GHR: variants seen among roughly 807,000 people sequenced by gnomAD.
The protein encoded by GHR is GH receptor.
Under a neutral mutation model 67.1 loss-of-function variants are expected in GHR, and 35 were observed. The ratio of observed to expected loss-of-function variants is 0.52; its 90% confidence interval spans 0.40 to 0.69. The LOEUF is 0.69. GHR is among the 30% of genes least tolerant of loss of function. GHR has a pLI of 0.00. For missense variants in GHR, 792 were observed against 764.6 expected (o/e 1.04, Z -0.42); for synonymous variants, 272 against 269.1 (o/e 1.01, Z -0.10).
intron 1 of GHR, chr5:42,515,096 T>C (rs1204835400): frequency 6.6e-6 from 1 of 152,202 alleles, no homozygotes; most frequent in Non-Finnish European, 1.5e-5. Flanking sequence ...TTAGTGTATG[T>C]TTGCTAAATA....
At chr5:42,650,304 C>T (rs566555460) in intron 3 of GHR, among the ~76,000 whole-genome samples, 1 of 152,124 alleles carries the variant, frequency 6.6e-6, no homozygotes, top group African/African-American at 2.4e-5. Context: ...CAGTCATCTG[C>T]AGTTGCCTGA....
intron 7 of GHR, among the ~76,000 whole-genome samples, chr5:42,712,334 C>A (rs1758502437): frequency 6.6e-6 from 1 of 152,078 alleles, no homozygotes; most frequent in African/African-American, 2.4e-5. Context: ...CTTAAAAGTA[C>A]AATAGCTATA....
intron 3 of GHR, among the ~76,000 whole-genome samples, chr5:42,673,949 G>A (rs34899335): frequency 6.6e-6 from 1 of 152,078 alleles, no homozygotes; most frequent in African/African-American, 2.4e-5. Context: ...TTTTTAAAAG[G>A]ATAGAAACTA....
intron 2 of GHR, among the ~76,000 whole-genome samples, chr5:42,568,780 T>G (rs1171142405): frequency 1.3e-5 from 2 of 152,162 alleles, no homozygotes; most frequent in African/African-American, 4.8e-5. Flanking sequence ...AGAGAAATGG[T>G]CAAGATGCCC....
At chr5:42,577,556 C>G (rs1750822039) in intron 2 of GHR, among the ~76,000 whole-genome samples, 1 of 152,168 alleles carries the variant, frequency 6.6e-6, no homozygotes. Context: ...ACCATTTTCT[C>G]AAAGGAAAAT....
intron 5 of GHR, among the ~76,000 whole-genome samples, chr5:42,696,282 A>T (rs1757668069): frequency 6.6e-6 from 1 of 152,218 alleles, no homozygotes; most frequent in Non-Finnish European, 1.5e-5. Context: ...AGGCATGTTC[A>T]CAAATAATTG....
At chr5:42,512,662 G>T (rs1284660125) in intron 1 of GHR, among the ~76,000 whole-genome samples, 1 of 151,984 alleles carries the variant, frequency 6.6e-6, no homozygotes, top group Non-Finnish European at 1.5e-5. Context: ...ATTCATTTCT[G>T]CATTTTCTTT....
intron 1 of GHR, chr5:42,465,609 G>A (rs1744691548): frequency 2.7e-6 from 3 of 1,097,026 alleles, no homozygotes; most frequent in Non-Finnish European, 4.2e-6. Flanking sequence ...ATGTATTTGG[G>A]GGACTCTGTT....
At chr5:42,490,925 A>G (rs908994186) in intron 1 of GHR, among the ~76,000 whole-genome samples, 1 of 152,214 alleles carries the variant, frequency 6.6e-6, no homozygotes, top group Non-Finnish European at 1.5e-5. Context: ...AGAGAAACAC[A>G]TATATTTTAC....
At chr5:42,482,357 G>A (rs972945738) in intron 1 of GHR, among the ~76,000 whole-genome samples, 45 of 152,326 alleles carry the variant, frequency 3.0e-4, no homozygotes, top group African/African-American at 1.1e-3. Flanking sequence ...CAGTCTGCCT[G>A]TTCTCAGATC....
At chr5:42,466,140 G>C in intron 1 of GHR, 1 of 303,556 alleles carries the variant, frequency 3.3e-6, no homozygotes, top group Non-Finnish European at 6.2e-6. Context: ...TGTGGAGGAG[G>C]AGTTGTCAAT....
chr5:42,427,980 C>T (rs1333165961), intron 1 of GHR, among the ~76,000 whole-genome samples: 5 of 152,224 alleles, frequency 3.3e-5, no homozygotes, highest in African/African-American at 1.2e-4. Flanking sequence ...TCAGCCCCTA[C>T]CATTGGGGGT....
chr5:42,582,498 C>T (rs1431495635), intron 2 of GHR, among the ~76,000 whole-genome samples: 1 of 152,220 alleles, frequency 6.6e-6, no homozygotes, highest in Admixed American at 6.5e-5. Flanking sequence ...TGTACTGTCA[C>T]TCAGTAAAGT....
In GHR at chr5:42,718,819, G is replaced by C. The variant is rs1758863789; in HGVS notation, c.1312G>C (p.Asp438His). The C allele has an allele frequency of 1.2e-6, 2 of 1,614,116 alleles. No homozygotes were observed. Among genetic ancestry groups the C allele is most frequent in the East Asian group, 4.5e-5 (2 of 44,876 alleles). Residue 438 changes from aspartate to histidine, a missense_variant, in exon 10 of 10, where the codon GAT (aspartate) becomes CAT (histidine). Coordinates refer to ENST00000230882, the MANE Select transcript of GHR (RefSeq NM_000163.5). The part of the protein sequence containing the change: ...QKNQNNSPYH[D>H]ACPATQQPSV... ...GAATCAAAATAACTCACCTTATCAT[G>C]ATGCTTGCCCTGCTACTCAGCAGCC...
chr5:42,562,085 G>A (rs925873253), intron 1 of GHR, among the ~76,000 whole-genome samples: 4 of 152,170 alleles, frequency 2.6e-5, no homozygotes, highest in African/African-American at 9.7e-5. Flanking sequence ...TAACATTAAA[G>A]TTCCAAACTT....
chr5:42,541,277 G>T (rs544765639), intron 1 of GHR, among the ~76,000 whole-genome samples: 4 of 152,232 alleles, frequency 2.6e-5, no homozygotes, highest in South Asian at 4.1e-4. Flanking sequence ...ATTTATCTAG[G>T]TTGTCAGGCA....
At chr5:42,558,701 G>A (rs1347353407) in intron 1 of GHR, among the ~76,000 whole-genome samples, 1 of 152,206 alleles carries the variant, frequency 6.6e-6, no homozygotes, top group African/African-American at 2.4e-5. Flanking sequence ...TATAGCCTAG[G>A]TGTGTAGTAG....
At chr5:42,696,648 G>C (rs1757687561) in intron 5 of GHR, among the ~76,000 whole-genome samples, 1 of 152,160 alleles carries the variant, frequency 6.6e-6, no homozygotes, top group African/African-American at 2.4e-5. Flanking sequence ...TAGTCAGCTG[G>C]AGAAATCATC....
chr5:42,464,323 G>C (rs1216979495), intron 1 of GHR, among the ~76,000 whole-genome samples: 1 of 152,176 alleles, frequency 6.6e-6, no homozygotes, highest in African/African-American at 2.4e-5. Flanking sequence ...TGTTCTAAAT[G>C]AAAGTGTCCT....
Sources: allele counts gnomAD v4.1 joint callset (sites outside exome capture counted in the v4.1 genomes callset), GRCh38; gene constraint gnomAD v4.1.1; transcripts MANE v1.5; gene names NCBI Gene and HGNC (gene_info 2026-07-23, HGNC 2026-07-21).